The following PTPRQ variants were observed in gnomAD, a reference collection of about 807,000 sequenced individuals.
PTPRQ encodes phosphatidylinositol phosphatase PTPRQ.
Under a neutral mutation model 246.0 loss-of-function variants are expected in PTPRQ, and 199 were observed. The ratio of observed to expected loss-of-function variants is 0.81; its 90% confidence interval spans 0.72 to 0.91. PTPRQ has a LOEUF of 0.91. PTPRQ is among the 40% of genes least tolerant of loss of function. The pLI is 0.00. For synonymous variants in PTPRQ, 869 were observed against 853.2 expected (o/e 1.02, Z -0.32); for missense variants, 2,624 against 2,528.4 (o/e 1.04, Z -0.81).
rs553469183 is a variant in PTPRQ at position 80,674,333 on chromosome 12, A to G, written c.6738+1029A>G. ...CTAAAATAAGTATGAGAAAGAAATT[A>G]AACTGATTTTTAAAGACATAAATTT... On this transcript the variant is annotated intron_variant, in intron 43 of 44. Coordinates refer to ENST00000644991, the MANE Select transcript of PTPRQ (RefSeq NM_001145026.2). 3.9e-5 allele frequency among the ~76,000 whole-genome samples: 6 copies of G among 152,280 alleles called. No individual in the cohort carries two copies. In the South Asian group the frequency reaches 8.3e-4, roughly 21 times the overall value.
chr12:80,469,486 C>A (rs915675526), intron 7 of PTPRQ, among the ~76,000 whole-genome samples: 1 of 152,104 alleles, frequency 6.6e-6, no homozygotes, highest in African/African-American at 2.4e-5. Flanking sequence ...GTCTAAAATT[C>A]TCTCCTGATT....
rs555655638 is a variant in PTPRQ at position 80,661,120 on chromosome 12, A to G, written c.6192+3059A>G. On this transcript the variant is annotated intron_variant, in intron 39 of 44. Transcript: ENST00000644991. ...AACACAAACACACATGCATGTTTAT[A>G]TACATCATTTACAAGGATTTGCTAG... 1.1e-4 allele frequency among the ~76,000 whole-genome samples: 16 copies of G among 151,980 alleles called. No individual in the cohort carries two copies. In the South Asian group the frequency reaches 3.1e-3, roughly 30 times the overall value.
chr12:80,649,134 C>G (rs1021389886), intron 36 of PTPRQ, among the ~76,000 whole-genome samples: 5 of 151,986 alleles, frequency 3.3e-5, no homozygotes, highest in African/African-American at 7.2e-5. Flanking sequence ...TGTATTTTAG[C>G]TTGGGAAGTA....
intron 14 of PTPRQ, among the ~76,000 whole-genome samples, chr12:80,505,092 C>A (rs968789162): frequency 3.9e-5 from 6 of 151,914 alleles, no homozygotes; most frequent in Middle Eastern, 3.4e-3. Context: ...GGATATCACT[C>A]ATCTTTCAGC....
intron 17 of PTPRQ, among the ~76,000 whole-genome samples, chr12:80,516,514 T>C (rs573309508): frequency 3.3e-5 from 5 of 152,348 alleles, no homozygotes; most frequent in Non-Finnish European, 7.4e-5. Context: ...AGATAAGATA[T>C]GCCCATGTGA....
At chr12:80,477,969 G>A (rs1484184152) in intron 8 of PTPRQ, among the ~76,000 whole-genome samples, 3 of 152,242 alleles carry the variant, frequency 2.0e-5, no homozygotes, top group Non-Finnish European at 4.4e-5. Context: ...GCCCGCCATT[G>A]CCCAGGCTTG....
At chr12:80,642,643 G>A (rs1429238188) in intron 35 of PTPRQ, among the ~76,000 whole-genome samples, 3 of 152,034 alleles carry the variant, frequency 2.0e-5, no homozygotes, top group Non-Finnish European at 2.9e-5. Flanking sequence ...ATTGAGGGCC[G>A]GGCGCGGTGG....
At chr12:80,524,190 T>C (rs190244511) in intron 17 of PTPRQ, among the ~76,000 whole-genome samples, 1 of 152,346 alleles carries the variant, frequency 6.6e-6, no homozygotes, top group African/African-American at 2.4e-5. Flanking sequence ...TTGCAACCCC[T>C]GCCTTTTCTT....
intron 29 of PTPRQ, 119 bp from the exon 30 acceptor site, chr12:80,616,080 TA>T (rs1400680025): frequency 9.2e-5 from 19 of 207,080 alleles, no homozygotes; most frequent in Non-Finnish European, 1.2e-4. Flanking sequence ...TAATCAGTTT[TA>T]TATATATATA....
At position 80,493,330 on chromosome 12, in the gene PTPRQ, G is replaced by T. The variant is rs535700232; in HGVS notation, c.1415G>T (p.Gly472Val). The T allele has an allele frequency of 9.0e-6, 14 of 1,549,290 alleles. No homozygotes were observed. In the South Asian group the frequency reaches 1.7e-4, roughly 18 times the overall value. ...EIVNIVEPMV[G>V]LYEGSAEMSS... is the part of the protein sequence containing the mutation. Reference sequence around the variant, plus strand: ...GTGAACATAGTAGAGCCAATGGTAGGATTATATGAGGGTTCAGCAGAGATG... The same window carrying T: ...GTGAACATAGTAGAGCCAATGGTAGTATTATATGAGGGTTCAGCAGAGATG... Residue 472 changes from glycine to valine, a missense_variant, in exon 10 of 45, where the codon GGA becomes GTA. Physicochemically the swap from Gly to Val is moderately radical, Grantham distance 109. Coordinates refer to ENST00000644991, the MANE Select transcript of PTPRQ (RefSeq NM_001145026.2).
At position 80,462,065 on chromosome 12, in the gene PTPRQ, G is replaced by C. The variant is rs548630076; in HGVS notation, c.910+1163G>C. The C allele has an allele frequency of 4.3e-5, 30 of 693,310 alleles. 3 individuals carry two copies. In the South Asian group the frequency reaches 4.4e-4, roughly 10 times the overall value. The allele number at this position is 693,310 out of a possible 1,614,324, so 42.9% of individuals were successfully genotyped here. On this transcript the variant is annotated intron_variant, in intron 6 of 44. Transcript: ENST00000644991. ...GAGAGCCGAAGCAGGGCGAGGCATTGCCTCACTTGGGGAGCACAAGGGGTC... is the reference window on the plus strand; with the variant it reads ...GAGAGCCGAAGCAGGGCGAGGCATTCCCTCACTTGGGGAGCACAAGGGGTC...
intron 35 of PTPRQ, among the ~76,000 whole-genome samples, chr12:80,648,165 A>G (rs887380176): frequency 2.6e-5 from 4 of 151,998 alleles, no homozygotes; most frequent in Admixed American, 1.3e-4. Flanking sequence ...CCCTAATATT[A>G]TTCTAGATTT....
At chr12:80,550,904 T>C (rs1474409116) in intron 25 of PTPRQ, among the ~76,000 whole-genome samples, 2 of 152,106 alleles carry the variant, frequency 1.3e-5, no homozygotes, top group Non-Finnish European at 2.9e-5. Flanking sequence ...ATTGTTATTT[T>C]ACTAATAATA....
chr12:80,451,056 G>T (rs1473323666), intron 3 of PTPRQ, among the ~76,000 whole-genome samples: 2 of 152,174 alleles, frequency 1.3e-5, no homozygotes, highest in South Asian at 2.1e-4. Context: ...CAATTTCAGA[G>T]CCTGTTAGTG....
chr12:80,489,473 C>T (rs1389012836), intron 9 of PTPRQ, among the ~76,000 whole-genome samples: 1 of 151,990 alleles, frequency 6.6e-6, no homozygotes, highest in African/African-American at 2.4e-5. Flanking sequence ...CAATAATAAA[C>T]AATGATTTAA....
chr12:80,464,125 T>C (rs1349749218), intron 6 of PTPRQ, among the ~76,000 whole-genome samples: 2 of 151,340 alleles, frequency 1.3e-5, no homozygotes, highest in Admixed American at 1.3e-4. Context: ...AGGAAACCCA[T>C]CTCACATGCA....
intron 7 of PTPRQ, among the ~76,000 whole-genome samples, chr12:80,469,261 A>T (rs1035439235): frequency 1.2e-4 from 18 of 152,160 alleles, no homozygotes; most frequent in African/African-American, 4.1e-4. Flanking sequence ...TAACATGGAA[A>T]ATCTCTGTAT....
intron 8 of PTPRQ, among the ~76,000 whole-genome samples, chr12:80,474,089 T>C (rs1893738347): frequency 6.6e-6 from 1 of 152,236 alleles, no homozygotes; most frequent in Admixed American, 6.5e-5. Context: ...TGTAGCTTTC[T>C]ACTTCTGACA....
rs6539524 is a variant in PTPRQ, at chr12:80,541,566, T to C, written c.3166T>C (p.Phe1056Leu). ...VYTDQDIPEG[F>L]VGNLTYESIS... ...ATTACCTATCATAGTACCTGAAGGG[T>C]TTGTTGGAAACCTGACTTACGAATC... Residue 1056 changes from phenylalanine (F) to leucine (L), a missense_variant, in exon 21 of 45, where the codon TTT (phenylalanine) becomes CTT (leucine). By Grantham distance (22) the Phe-to-Leu change is conservative (BLOSUM62 0). Coordinates refer to ENST00000644991, the MANE Select transcript of PTPRQ (RefSeq NM_001145026.2). 435,691 of 1,520,866 alleles carry C rather than the reference T, an allele frequency of 0.29. 71,331 individuals are homozygous for C. Among genetic ancestry groups the C allele is most frequent in the African/African-American group, 0.72 (52,013 of 72,008 alleles). The allele number at this position is 1,520,866 out of a possible 1,614,324, so 94.2% of individuals were successfully genotyped here.
Sources: allele counts gnomAD v4.1 joint callset (sites outside exome capture counted in the v4.1 genomes callset), GRCh38; gene constraint gnomAD v4.1.1; transcripts MANE v1.5; gene names NCBI Gene and HGNC (gene_info 2026-07-23, HGNC 2026-07-21).